BLTP3B: variants seen among roughly 807,000 people sequenced by gnomAD.
BLTP3B encodes bridge-like lipid transfer protein family member 3B.
At chr12:100,088,675 G>A in the BLTP3B span, among the ~76,000 whole-genome samples, 3 of 152,100 alleles carry the variant, frequency 2.0e-5, no homozygotes, top group Admixed American at 1.3e-4. Context: ...TTTTTTTAAA[G>A]CTAATTTTAT....
the BLTP3B span, among the ~76,000 whole-genome samples, chr12:100,130,418 G>A: frequency 6.6e-6 from 1 of 152,142 alleles, no homozygotes; most frequent in Non-Finnish European, 1.5e-5. Context: ...GTTTCCAGAA[G>A]ACATTCCTAT....
At chr12:100,124,499 C>T in the BLTP3B span, among the ~76,000 whole-genome samples, 7 of 150,272 alleles carry the variant, frequency 4.7e-5, no homozygotes, top group African/African-American at 1.5e-4. Context: ...GATCCCAGCA[C>T]TCTGGGAGGC....
chr12:100,070,175 A>G, the BLTP3B span: 1 of 1,561,688 alleles, frequency 6.4e-7, no homozygotes. Flanking sequence ...GGCAGCTGAG[A>G]GAAACAAATG....
chr12:100,055,149 G>C, the BLTP3B span, among the ~76,000 whole-genome samples: 1 of 151,886 alleles, frequency 6.6e-6, no homozygotes, highest in African/African-American at 2.4e-5. Context: ...TTTTTAAGAA[G>C]ACGTGTTTGT....
the BLTP3B span, among the ~76,000 whole-genome samples, chr12:100,044,742 T>C: frequency 2.0e-5 from 3 of 152,228 alleles, no homozygotes; most frequent in Non-Finnish European, 4.4e-5. Context: ...TTGGAAGTTC[T>C]GGCCAGGGCA....
the BLTP3B span, chr12:100,103,861 T>C: frequency 1.4e-6 from 2 of 1,381,414 alleles, no homozygotes; most frequent in Non-Finnish European, 2.0e-6. Flanking sequence ...ACAGAGTAGC[T>C]AGATAATGTA....
the BLTP3B span, among the ~76,000 whole-genome samples, chr12:100,121,605 C>T: frequency 6.5e-4 from 98 of 151,182 alleles, no homozygotes; most frequent in East Asian, 0.012. Flanking sequence ...CCAAGGAGGG[C>T]GGATCACCTG....
chr12:100,125,043 G>T, the BLTP3B span, among the ~76,000 whole-genome samples: 1 of 133,882 alleles, frequency 7.5e-6, no homozygotes, highest in Non-Finnish European at 1.6e-5. Flanking sequence ...TAAAATCTGG[G>T]CATTGAGGCC....
the BLTP3B span, among the ~76,000 whole-genome samples, chr12:100,075,088 T>C: frequency 1.3e-5 from 2 of 151,764 alleles, no homozygotes; most frequent in Admixed American, 6.6e-5. Flanking sequence ...CTCAGCTCAC[T>C]GCAACCTCTG....
chr12:100,089,417 G>A, the BLTP3B span, among the ~76,000 whole-genome samples: 2 of 152,136 alleles, frequency 1.3e-5, no homozygotes, highest in African/African-American at 4.8e-5. Context: ...AAAATTAGCT[G>A]GGCGTGGTGC....
At chr12:100,121,839 A>G in the BLTP3B span, among the ~76,000 whole-genome samples, 1 of 152,216 alleles carries the variant, frequency 6.6e-6, no homozygotes, top group Non-Finnish European at 1.5e-5. Flanking sequence ...CAAGAAAAAA[A>G]AGTCATCAAA....
chr12:100,037,824 T>TTG, the BLTP3B span: 1 of 1,349,480 alleles, frequency 7.4e-7, no homozygotes. Context: ...ATTTATATAG[T>TTG]ATCCAAAGGT....
the BLTP3B span, among the ~76,000 whole-genome samples, chr12:100,066,186 C>T: frequency 1.3e-5 from 2 of 152,092 alleles, no homozygotes; most frequent in African/African-American, 4.8e-5. Context: ...TGGAAAAAGA[C>T]ATTTCATGCA....
At chr12:100,068,690 A>T in the BLTP3B span, among the ~76,000 whole-genome samples, 6,341 of 152,304 alleles carry the variant, frequency 0.042, 277 homozygotes, top group African/African-American at 0.11. Flanking sequence ...GGCTGAGACA[A>T]TGAGTAGACA....
chr12:100,098,539 T>C, the BLTP3B span: 4 of 1,603,412 alleles, frequency 2.5e-6, no homozygotes. Context: ...AAAGCCGTAT[T>C]CACTGGAAAA....
At chr12:100,056,762 C>T in the BLTP3B span, among the ~76,000 whole-genome samples, 3 of 151,324 alleles carry the variant, frequency 2.0e-5, no homozygotes, top group Non-Finnish European at 4.4e-5. Flanking sequence ...TGCTTGAACC[C>T]GAAGGCAGAG....
At chr12:100,086,325 T>G in the BLTP3B span, 1 of 1,380,094 alleles carries the variant, frequency 7.2e-7, no homozygotes, top group South Asian at 1.2e-5. Context: ...AAAAGAGAGT[T>G]GCATTGCCCC....
the BLTP3B span, among the ~76,000 whole-genome samples, chr12:100,141,025 T>C: frequency 1.3e-5 from 2 of 151,920 alleles, no homozygotes; most frequent in Non-Finnish European, 2.9e-5. Context: ...AAAGTAGGCA[T>C]TCAAATCATT....
the BLTP3B span, among the ~76,000 whole-genome samples, chr12:100,127,996 G>A: frequency 2.0e-5 from 3 of 152,078 alleles, no homozygotes; most frequent in Non-Finnish European, 4.4e-5. Context: ...CTGGGCAACA[G>A]AGCAACACCT....
Sources: allele counts gnomAD v4.1 joint callset (sites outside exome capture counted in the v4.1 genomes callset), GRCh38; gene constraint gnomAD v4.1.1; transcripts MANE v1.5; gene names NCBI Gene and HGNC (gene_info 2026-07-23, HGNC 2026-07-21).